Variants in STAC observed in about 807,000 individuals in gnomAD.
STAC encodes the protein SH3 and cysteine rich domain, also known as SH3 and cysteine-rich domain-containing protein.
STAC carries 43 observed loss-of-function variants against 48.8 expected under a neutral mutation model. The observed-to-expected ratio is 0.88, with a 90% CI of 0.69 to 1.14. STAC has a LOEUF of 1.14. Among genes scored for constraint, STAC ranks in the 50% most tolerant of loss-of-function variants. STAC has a pLI of 0.00. For synonymous variants in STAC, 193 were observed against 179.5 expected (o/e 1.07, Z -0.60); for missense variants, 497 against 504.0 (o/e 0.99, Z 0.13).
At chr3:36,408,533 G>A (rs1700128932) in intron 1 of STAC, among the ~76,000 whole-genome samples, 1 of 152,156 alleles carries the variant, frequency 6.6e-6, no homozygotes, top group Non-Finnish European at 1.5e-5. Context: ...AATCCTGATT[G>A]GTTTAAGCAA....
At chr3:36,460,560 A>G (rs1337765243) in intron 2 of STAC, among the ~76,000 whole-genome samples, 1 of 152,150 alleles carries the variant, frequency 6.6e-6, no homozygotes, top group African/African-American at 2.4e-5. Flanking sequence ...GGTTGTTACA[A>G]CTGTAGGAGA....
In STAC at chr3:36,505,843, CT is replaced by C; in HGVS notation, c.920+11del. On this transcript the variant is annotated intron_variant, in intron 8 of 10. Transcript: ENST00000273183. ...GAAGATTTGGAAATGAGGTAAAAAC[CT>C]TCTGTAAAGAAAAAAAAGAGTAAAA... The C allele has an allele frequency of 6.4e-7, 1 of 1,572,482 alleles. No homozygotes were observed. The highest frequency in any genetic ancestry group is 8.6e-7 in the Non-Finnish European group (1 of 1,157,304).
chr3:36,402,495 G>C (rs1346040545), intron 1 of STAC, among the ~76,000 whole-genome samples: 2 of 152,070 alleles, frequency 1.3e-5, no homozygotes, highest in Non-Finnish European at 2.9e-5. Flanking sequence ...TGCAGAGCTA[G>C]AAGCTTACAG....
At chr3:36,482,936 A>C (rs1484012438) in intron 2 of STAC, 56 bp from the exon 3 acceptor site, 2 of 1,240,996 alleles carry the variant, frequency 1.6e-6, no homozygotes, top group Non-Finnish European at 2.4e-6. Context: ...ATTTTAGACT[A>C]ATCAGCAGGA....
At chr3:36,444,926 C>T (rs1696466860) in intron 2 of STAC, among the ~76,000 whole-genome samples, 1 of 152,200 alleles carries the variant, frequency 6.6e-6, no homozygotes, top group Non-Finnish European at 1.5e-5. Context: ...ACGTCTCATG[C>T]TCAACAATAC....
At chr3:36,464,933 G>T (rs1336786298) in intron 2 of STAC, among the ~76,000 whole-genome samples, 1 of 151,916 alleles carries the variant, frequency 6.6e-6, no homozygotes, top group Non-Finnish European at 1.5e-5. Context: ...AAACATGCAT[G>T]TGCACGTGTC....
chr3:36,480,824 G>C (rs886165199), intron 2 of STAC, among the ~76,000 whole-genome samples: 2 of 152,158 alleles, frequency 1.3e-5, no homozygotes, highest in African/African-American at 4.8e-5. Context: ...GAGTGACCAT[G>C]AAAAATGTTT....
intron 10 of STAC, among the ~76,000 whole-genome samples, chr3:36,534,686 C>T (rs1699156192): frequency 6.6e-6 from 1 of 151,888 alleles, no homozygotes. Context: ...CCTCCTCCTC[C>T]TTTTCCTCCT....
intron 8 of STAC, among the ~76,000 whole-genome samples, chr3:36,527,326 T>C (rs1161449074): frequency 6.6e-6 from 1 of 152,104 alleles, no homozygotes; most frequent in Non-Finnish European, 1.5e-5. Context: ...ATTGCATCCA[T>C]GATGGAAAGC....
intron 2 of STAC, among the ~76,000 whole-genome samples, chr3:36,461,408 G>A (rs900987890): frequency 6.6e-6 from 1 of 152,176 alleles, no homozygotes; most frequent in Admixed American, 6.5e-5. Context: ...GAACACTTGG[G>A]ATGCATCAAT....
chr3:36,485,930 A>G, intron 4 of STAC: 1 of 522,344 alleles, frequency 1.9e-6, no homozygotes, highest in Middle Eastern at 5.2e-4. Flanking sequence ...TAGCTGGTAC[A>G]TGGCAGGACC....
chr3:36,432,830 C>T (rs1700738435), intron 1 of STAC, among the ~76,000 whole-genome samples: 1 of 152,192 alleles, frequency 6.6e-6, no homozygotes, highest in South Asian at 2.1e-4. Context: ...CTTCTTTCTA[C>T]CACCCTCTCC....
intron 1 of STAC, among the ~76,000 whole-genome samples, chr3:36,415,833 A>G (rs2125639410): frequency 6.6e-6 from 1 of 152,350 alleles, no homozygotes. Flanking sequence ...GTCCTAAACC[A>G]TTCTGATATT....
Position 36,396,067 on chromosome 3 carries a change from T to G in STAC, c.111+15313T>G, listed in dbSNP as rs148405574. Among the ~76,000 whole-genome samples the G allele has an allele frequency of 4.0e-3, 607 of 152,306 alleles. 5 individuals are homozygous for G. The highest frequency in any genetic ancestry group is 0.013 in the African/African-American group (560 of 41,562). ...AACTCTCTGGTCATAGTTTTCATCA[T>G]AGAAATTTATTTCCTCCTCCTCCAG... On this transcript the variant is annotated intron_variant, in intron 1 of 10. Transcript: ENST00000273183.
In STAC at chr3:36,505,837, A is replaced by C. The variant is rs760282246; in HGVS notation, c.920+3A>C. 2 of 1,585,232 alleles carry C rather than the reference A, an allele frequency of 1.3e-6. No individual in the cohort carries two copies. The highest frequency in any genetic ancestry group is 1.7e-6 in the Non-Finnish European group (2 of 1,165,694). On this transcript the variant is annotated splice_donor_region_variant and intron_variant, in intron 8 of 10. Coordinates refer to ENST00000273183, the MANE Select transcript of STAC (RefSeq NM_003149.3). Reference sequence around the variant, plus strand: ...GAGAATGAAGATTTGGAAATGAGGTAAAAACCTTCTGTAAAGAAAAAAAAG... The same window carrying C: ...GAGAATGAAGATTTGGAAATGAGGTCAAAACCTTCTGTAAAGAAAAAAAAG...
intron 8 of STAC, among the ~76,000 whole-genome samples, chr3:36,526,734 G>A (rs1199325694): frequency 6.6e-6 from 1 of 152,124 alleles, no homozygotes; most frequent in Non-Finnish European, 1.5e-5. Flanking sequence ...ATACTCTAAA[G>A]AAAAAGAACC....
chr3:36,442,072 T>A (rs1489425742), intron 1 of STAC, among the ~76,000 whole-genome samples: 1 of 152,200 alleles, frequency 6.6e-6, no homozygotes, highest in African/African-American at 2.4e-5. Flanking sequence ...TCAGTGGGGA[T>A]AGTGCCATGC....
intron 1 of STAC, among the ~76,000 whole-genome samples, chr3:36,381,876 T>C (rs540569979): frequency 6.6e-6 from 1 of 152,316 alleles, no homozygotes; most frequent in East Asian, 1.9e-4. Context: ...TTATTTATTT[T>C]TATTTTTTTC....
At position 36,437,931 on chromosome 3, in the gene STAC, G is replaced by GTTATTTATTATTATTATTATTA. The variant is rs1362673521; in HGVS notation, c.112-5428_112-5427insTATTATTATTATTATTATTATT. Among the ~76,000 whole-genome samples, 11 of 140,568 alleles carry GTTATTTATTATTATTATTATTA rather than the reference G, an allele frequency of 7.8e-5. No individual in the cohort carries two copies. The East Asian group carries it at 1.0e-3, about 13-fold the overall frequency. The allele number at this position is 140,568 out of a possible 152,430, so 92.2% of individuals were successfully genotyped here. A position where few individuals can be genotyped will look rare whatever the true frequency, so the allele number is the denominator to read the frequency against. ...GAGCAGTACCCATGATATTCATTGA[G>GTTATTTATTATTATTATTATTA]TTATTATTATTATTATTATTATTAT... On this transcript the variant is annotated intron_variant, in intron 1 of 10. Coordinates refer to ENST00000273183, the MANE Select transcript of STAC (RefSeq NM_003149.3).
Sources: gnomAD v4.1 joint callset for allele counts (sites outside exome capture counted in the v4.1 genomes callset) on GRCh38, gnomAD v4.1.1 for gene constraint, MANE v1.5 for transcripts, NCBI Gene and HGNC (gene_info 2026-07-23, HGNC 2026-07-21) for gene names.